WDPCP: variants seen among roughly 807,000 people sequenced by gnomAD.
The protein encoded by WDPCP is WD repeat-containing and planar cell polarity effector protein fritz homolog.
Under a neutral mutation model 93.1 loss-of-function variants are expected in WDPCP, and 71 were observed. The observed-to-expected ratio is 0.76, with a 90% CI of 0.63 to 0.93. The LOEUF (loss-of-function observed/expected upper bound fraction) is 0.93. Among genes scored for constraint, WDPCP ranks in the 40% least tolerant of loss-of-function variants. WDPCP has a pLI of 0.00. For synonymous variants in WDPCP, 315 were observed against 315.0 expected, an observed-to-expected ratio of 1.00 and a Z score of 0.00; for missense variants, 844 against 887.4, an observed-to-expected ratio of 0.95 and a Z score of 0.62.
At chr2:63,317,718 A>AT (rs1348412292) in intron 12 of WDPCP, among the ~76,000 whole-genome samples, 1 of 152,208 alleles carries the variant, frequency 6.6e-6, no homozygotes, top group African/African-American at 2.4e-5. Context: ...TCGTATACAG[A>AT]TGATTGAAAC....
chr2:63,407,934 GC>G (rs751207289), intron 9 of WDPCP, among the ~76,000 whole-genome samples: 2 of 152,172 alleles, frequency 1.3e-5, no homozygotes, highest in African/African-American at 4.8e-5. Flanking sequence ...AAAAGAAGGG[GC>G]CCAAACAGAT....
At chr2:63,181,944 TGTA>T (rs1456643217) in intron 14 of WDPCP, among the ~76,000 whole-genome samples, 2 of 152,142 alleles carry the variant, frequency 1.3e-5, no homozygotes, top group Middle Eastern at 3.4e-3. Context: ...TTGTAGCTAT[TGTA>T]GTTCTTGATT....
chr2:63,507,764 C>T (rs182107569), intron 1 of WDPCP, among the ~76,000 whole-genome samples: 1 of 152,140 alleles, frequency 6.6e-6, no homozygotes, highest in African/African-American at 2.4e-5. Flanking sequence ...CTGAAAAACA[C>T]AGCACGAGAA....
In WDPCP at chr2:63,172,166, A is replaced by G. The variant is rs549487069; in HGVS notation, c.2078+2504T>C. Among the ~76,000 whole-genome samples, 262 of 152,304 alleles carry G rather than the reference A, an allele frequency of 1.7e-3. 1 individual carries two copies. Among genetic ancestry groups the G allele is most frequent in the Non-Finnish European group, 3.0e-3 (206 of 68,030 alleles). Reference sequence around the variant, plus strand: ...AATATCACTGACTTGTATACTTACAATGGGTGAATTTATGGTATATGTAAG... The same window carrying G: ...AATATCACTGACTTGTATACTTACAGTGGGTGAATTTATGGTATATGTAAG... On this transcript the variant is annotated intron_variant, in intron 15 of 17. Transcript: ENST00000272321.
chr2:63,327,232 ACC>A (rs1159149119), intron 12 of WDPCP, among the ~76,000 whole-genome samples: 1 of 152,198 alleles, frequency 6.6e-6, no homozygotes, highest in African/African-American at 2.4e-5. Flanking sequence ...ATCTGCTCAA[ACC>A]TGCGAGTTGT....
At chr2:63,527,734 C>T (rs1355700051) in intron 1 of WDPCP, among the ~76,000 whole-genome samples, 2 of 152,052 alleles carry the variant, frequency 1.3e-5, no homozygotes, top group Non-Finnish European at 2.9e-5. Flanking sequence ...GGTATATGCC[C>T]AGTAATGGGA....
chr2:63,746,620 C>T (rs562511903), intron 2 of WDPCP, among the ~76,000 whole-genome samples: 7 of 152,110 alleles, frequency 4.6e-5, no homozygotes, highest in African/African-American at 1.4e-4. Flanking sequence ...AAATGGCCAC[C>T]CTGGGAGTGT....
At chr2:63,425,156 A>C (rs1696174277) in intron 9 of WDPCP, among the ~76,000 whole-genome samples, 1 of 152,268 alleles carries the variant, frequency 6.6e-6, no homozygotes, top group Non-Finnish European at 1.5e-5. Flanking sequence ...CCAGAAACAA[A>C]GCCTATTGAC....
intron 14 of WDPCP, among the ~76,000 whole-genome samples, chr2:63,232,162 C>T (rs986128889): frequency 2.0e-5 from 3 of 152,118 alleles, no homozygotes; most frequent in African/African-American, 7.2e-5. Flanking sequence ...CTTCCTTACG[C>T]CTTATACAAA....
rs760160024 is a variant in WDPCP, at chr2:63,120,579, C to T, written c.*1427G>A. 8.1e-4 allele frequency among the ~76,000 whole-genome samples: 115 copies of T among 141,142 alleles called. No individual in the cohort carries two copies. Among genetic ancestry groups the T allele is most frequent in the African/African-American group, 1.6e-3 (62 of 37,640 alleles). 92.6% of individuals were successfully genotyped at this position (141,142 alleles called of 152,430 possible). ...TCTTACTTTGTCACCCAGGCTGGAGCGTAATGGTGCGACCTCAGCTCACTG... is the reference window on the plus strand; with the variant it reads ...TCTTACTTTGTCACCCAGGCTGGAGTGTAATGGTGCGACCTCAGCTCACTG... On this transcript the variant is annotated 3_prime_UTR_variant, in exon 18 of 18. Coordinates refer to ENST00000272321, the MANE Select transcript of WDPCP (RefSeq NM_015910.7).
At chr2:63,135,715 A>G (rs1379592345) in intron 17 of WDPCP, among the ~76,000 whole-genome samples, 1 of 152,072 alleles carries the variant, frequency 6.6e-6, no homozygotes, top group African/African-American at 2.4e-5. Flanking sequence ...AGAGAATATG[A>G]ACAAGGAAAT....
chr2:63,341,459 C>T (rs1688834453), intron 12 of WDPCP, among the ~76,000 whole-genome samples: 1 of 152,200 alleles, frequency 6.6e-6, no homozygotes, highest in South Asian at 2.1e-4. Context: ...AATATAGGAT[C>T]TATCCTGCAG....
At chr2:63,195,828 C>T (rs920007445) in intron 14 of WDPCP, among the ~76,000 whole-genome samples, 9 of 152,132 alleles carry the variant, frequency 5.9e-5, no homozygotes, top group African/African-American at 2.2e-4. Flanking sequence ...TGTATACACA[C>T]ACTTATAGAC....
intron 13 of WDPCP, among the ~76,000 whole-genome samples, chr2:63,278,893 G>GAT (rs1683288927): frequency 6.6e-6 from 1 of 152,158 alleles, no homozygotes; most frequent in African/African-American, 2.4e-5. Flanking sequence ...ACCTAGAGGA[G>GAT]ATGGATAAAT....
At chr2:63,312,940 A>G (rs1401587527) in intron 13 of WDPCP, among the ~76,000 whole-genome samples, 2 of 152,074 alleles carry the variant, frequency 1.3e-5, no homozygotes, top group Admixed American at 1.3e-4. Flanking sequence ...AAAGACATTT[A>G]AGCTTACTAG....
intron 6 of WDPCP, among the ~76,000 whole-genome samples, chr2:63,451,374 C>T (rs1336010422): frequency 6.6e-6 from 1 of 152,136 alleles, no homozygotes; most frequent in Non-Finnish European, 1.5e-5. Context: ...GACACATACA[C>T]CCTTCCAAGA....
chr2:63,664,077 A>C (rs1710256476), intron 2 of WDPCP, among the ~76,000 whole-genome samples: 2 of 152,180 alleles, frequency 1.3e-5, no homozygotes, highest in African/African-American at 4.8e-5. Flanking sequence ...GTTTGTCTCA[A>C]TATCATTTTT....
At chr2:63,144,071 A>G (rs1213637136) in intron 17 of WDPCP, among the ~76,000 whole-genome samples, 1 of 152,144 alleles carries the variant, frequency 6.6e-6, no homozygotes, top group Non-Finnish European at 1.5e-5. Context: ...CCTCAGGAAC[A>G]CTGATTATTC....
intron 13 of WDPCP, among the ~76,000 whole-genome samples, chr2:63,271,303 G>A (rs1214117720): frequency 6.6e-6 from 1 of 152,180 alleles, no homozygotes; most frequent in African/African-American, 2.4e-5. Flanking sequence ...AGCCAACCTG[G>A]GCACCATCCT....
Sources: allele counts gnomAD v4.1 joint callset (sites outside exome capture counted in the v4.1 genomes callset), GRCh38; gene constraint gnomAD v4.1.1; transcripts MANE v1.5; gene names NCBI Gene and HGNC (gene_info 2026-07-23, HGNC 2026-07-21).